Variants in CNTN6 observed in about 807,000 individuals in gnomAD.
The protein encoded by CNTN6 is contactin 6.
A neutral mutation model predicts 122.8 loss-of-function variants in CNTN6; 137 were observed. That is an observed-to-expected ratio of 1.12 (90% CI 0.97 to 1.29). CNTN6 has a LOEUF of 1.29. Among genes scored for constraint, CNTN6 ranks in the 50% most tolerant of loss-of-function variants. CNTN6 has a pLI of 0.00. For missense variants in CNTN6, 1,634 were observed against 1,223.4 expected, an observed-to-expected ratio of 1.34 and a Z score of -5.01; for synonymous variants, 570 against 426.0, an observed-to-expected ratio of 1.34 and a Z score of -4.16.
At chr3:1,148,266 C>G (rs1049986243) in intron 2 of CNTN6, among the ~76,000 whole-genome samples, 1 of 151,920 alleles carries the variant, frequency 6.6e-6, no homozygotes, top group Non-Finnish European at 1.5e-5. Context: ...TAAATGGAAA[C>G]TAACATTATT....
At chr3:1,262,382 G>A (rs930980498) in intron 4 of CNTN6, among the ~76,000 whole-genome samples, 1 of 152,118 alleles carries the variant, frequency 6.6e-6, no homozygotes, top group Non-Finnish European at 1.5e-5. Flanking sequence ...AACAGAGACT[G>A]GGACACCTGT....
At chr3:1,119,346 T>TGTGTGTGTGTGTGTGTGTGTGTGC (rs1221705832) in intron 1 of CNTN6, among the ~76,000 whole-genome samples, 1 of 151,372 alleles carries the variant, frequency 6.6e-6, no homozygotes, top group Non-Finnish European at 1.5e-5. Flanking sequence ...TGTGTGTGTG[T>TGTGTGTGTGTGTGTGTGTGTGTGC]GTGTGTGGAG....
chr3:1,115,053 G>T (rs182758577), intron 1 of CNTN6, among the ~76,000 whole-genome samples: 1 of 152,090 alleles, frequency 6.6e-6, no homozygotes, highest in Non-Finnish European at 1.5e-5. Context: ...TTGAGCTGCA[G>T]GAGCAGCACA....
chr3:1,250,518 C>T (rs1193350622), intron 4 of CNTN6, among the ~76,000 whole-genome samples: 2 of 152,122 alleles, frequency 1.3e-5, no homozygotes, highest in Non-Finnish European at 2.9e-5. Context: ...ATCCTCACTC[C>T]CATATTTGCC....
At chr3:1,330,416 T>A (rs930800121) in intron 11 of CNTN6, among the ~76,000 whole-genome samples, 1 of 151,838 alleles carries the variant, frequency 6.6e-6, no homozygotes, top group Non-Finnish European at 1.5e-5. Flanking sequence ...CCTACCATAA[T>A]GGATACAGTT....
chr3:1,196,325 T>C (rs1291216279), intron 2 of CNTN6, among the ~76,000 whole-genome samples: 1 of 152,216 alleles, frequency 6.6e-6, no homozygotes, highest in East Asian at 1.9e-4. Context: ...AGTAAGGCTC[T>C]TCAGTTGGGG....
intron 1 of CNTN6, among the ~76,000 whole-genome samples, chr3:1,138,372 G>C (rs375631302): frequency 6.6e-6 from 1 of 150,910 alleles, no homozygotes; most frequent in South Asian, 2.1e-4. Flanking sequence ...TTCCAAACTT[G>C]AATTGAAGGA....
Position 1,130,005 on chromosome 3 carries a change from T to C in CNTN6, c.-82-17922T>C, listed in dbSNP as rs138788239. On this transcript the variant is annotated intron_variant, in intron 1 of 22. Coordinates refer to ENST00000446702, the MANE Select transcript of CNTN6 (RefSeq NM_001289080.2). ...TTTAATGTTGAGTTTAAGAAGTAGT[T>C]TAAAAAGCAAATCTTTAATTTTTAG... Among the ~76,000 whole-genome samples the C allele has an allele frequency of 6.8e-4, 104 of 152,212 alleles. 1 individual carries two copies. Among genetic ancestry groups the C allele is most frequent in the African/African-American group, 2.4e-3 (98 of 41,550 alleles).
intron 1 of CNTN6, among the ~76,000 whole-genome samples, chr3:1,117,013 G>A (rs2091749206): frequency 6.6e-6 from 1 of 151,834 alleles, no homozygotes; most frequent in Admixed American, 6.6e-5. Flanking sequence ...ACCCAGCCGG[G>A]GAATGCCAAG....
chr3:1,250,421 T>C (rs2094646171), intron 4 of CNTN6, among the ~76,000 whole-genome samples: 1 of 152,104 alleles, frequency 6.6e-6, no homozygotes, highest in Non-Finnish European at 1.5e-5. Flanking sequence ...CTGGATAAAA[T>C]TGTCCTCCCC....
At chr3:1,221,761 ATATG>A (rs982527180) in intron 3 of CNTN6, among the ~76,000 whole-genome samples, 34 of 152,332 alleles carry the variant, frequency 2.2e-4, no homozygotes, top group African/African-American at 8.2e-4. Flanking sequence ...TAGAAACTTC[ATATG>A]TAGTGTTAAT....
chr3:1,122,512 G>C (rs980896098), intron 1 of CNTN6, among the ~76,000 whole-genome samples: 1 of 149,862 alleles, frequency 6.7e-6, no homozygotes, highest in African/African-American at 2.4e-5. Context: ...ATACAGGCAC[G>C]ATGTTGCACA....
chr3:1,327,690 C>G (rs1465430124), intron 10 of CNTN6, 104 bp downstream of exon 10: 1 of 1,143,138 alleles, frequency 8.7e-7, no homozygotes, highest in Admixed American at 2.4e-5. Flanking sequence ...AAATTGCTGT[C>G]CCATCAAATA....
At chr3:1,253,002 T>A (rs1363187590) in intron 4 of CNTN6, among the ~76,000 whole-genome samples, 2 of 152,186 alleles carry the variant, frequency 1.3e-5, no homozygotes, top group Non-Finnish European at 2.9e-5. Flanking sequence ...TGCATTTTCT[T>A]CCTCTGAACT....
chr3:1,395,591 C>G (rs530401737), intron 20 of CNTN6, among the ~76,000 whole-genome samples: 1 of 152,096 alleles, frequency 6.6e-6, no homozygotes, highest in East Asian at 1.9e-4. Context: ...TTCCCTTGTA[C>G]GGACCCTCCT....
intron 20 of CNTN6, among the ~76,000 whole-genome samples, chr3:1,387,039 T>C (rs1693104850): frequency 6.6e-6 from 1 of 152,230 alleles, no homozygotes; most frequent in African/African-American, 2.4e-5. Flanking sequence ...GTTCCAATTC[T>C]GGGTACATCA....
intron 12 of CNTN6, among the ~76,000 whole-genome samples, chr3:1,359,655 T>A (rs1282867138): frequency 6.6e-6 from 1 of 152,122 alleles, no homozygotes; most frequent in East Asian, 1.9e-4. Flanking sequence ...TGTGAGCAGA[T>A]AATCATGCAC....
intron 2 of CNTN6, chr3:1,173,233 T>C (rs143168939): frequency 1.1e-4 from 50 of 456,714 alleles, no homozygotes; most frequent in Middle Eastern, 6.5e-4. Flanking sequence ...ATTCTGCTGC[T>C]AACTGGACTT....
chr3:1,129,802 A>G (rs2092286412), intron 1 of CNTN6, among the ~76,000 whole-genome samples: 1 of 152,068 alleles, frequency 6.6e-6, no homozygotes, highest in Non-Finnish European at 1.5e-5. Flanking sequence ...GAATTTCTAT[A>G]TATTTATCAA....
Sources: allele counts gnomAD v4.1 joint callset (sites outside exome capture counted in the v4.1 genomes callset), GRCh38; gene constraint gnomAD v4.1.1; transcripts MANE v1.5; gene names NCBI Gene and HGNC (gene_info 2026-07-23, HGNC 2026-07-21).